SORBS2: variants seen among roughly 807,000 people sequenced by gnomAD.
SORBS2 encodes sorbin and SH3 domain-containing protein 2.
SORBS2 carries 46 observed loss-of-function variants against 97.7 expected under a neutral mutation model. The observed-to-expected ratio is 0.47, with a 90% CI of 0.37 to 0.60. The LOEUF (loss-of-function observed/expected upper bound fraction) is 0.60. Ranked by LOEUF, SORBS2 falls within the 20% of genes least tolerant of loss-of-function variation. The pLI is 0.00. For missense variants in SORBS2, 1,316 were observed against 1,282.3 expected, an observed-to-expected ratio of 1.03 and a Z score of -0.40; for synonymous variants, 476 against 473.4, an observed-to-expected ratio of 1.01 and a Z score of -0.07.
exon 6 of SORBS2, chr4:185,626,988 G>C (rs368735752): frequency 1.9e-6 from 3 of 1,614,092 alleles, no homozygotes; most frequent in Non-Finnish European, 2.5e-6. Flanking sequence ...CTCTTCCTCC[G>C]CTTCCTGAAG....
intron 2 of SORBS2, among the ~76,000 whole-genome samples, chr4:185,720,346 A>G (rs1015355437): frequency 7.3e-6 from 1 of 137,452 alleles, no homozygotes; most frequent in Non-Finnish European, 1.6e-5. Context: ...TCCATTTTAT[A>G]TTTATGTATA....
intron 1 of SORBS2, among the ~76,000 whole-genome samples, chr4:185,876,101 A>G (rs1178484401): frequency 2.8e-5 from 4 of 144,674 alleles, no homozygotes; most frequent in Non-Finnish European, 6.2e-5. Flanking sequence ...TGCAAGCTTT[A>G]GGATTTAAAT....
rs1387799742 is a variant in SORBS2 at position 185,867,132 on chromosome 4, C to T, written c.-338+89064G>A. On this transcript the variant is annotated intron_variant, in intron 1 of 20. Coordinates refer to the SORBS2 transcript ENST00000284776. ...GTTCAAGCGATTCTCCTGCCTCAGC[C>T]TCCTGAGTAGCTGGGATTATAGGCA... is the stretch of plus-strand genomic sequence containing the variant. Among the ~76,000 whole-genome samples, 15 of 152,078 alleles carry T rather than the reference C, an allele frequency of 9.9e-5. 1 individual carries two copies. Among genetic ancestry groups the T allele is most frequent in the Admixed American group, 7.9e-4 (12 of 15,264 alleles).
intron 1 of SORBS2, among the ~76,000 whole-genome samples, chr4:185,803,398 T>G (rs2099139670): frequency 6.6e-6 from 1 of 152,206 alleles, no homozygotes; most frequent in Non-Finnish European, 1.5e-5. Flanking sequence ...TTCGAAATCA[T>G]TATGATGTAA....
chr4:185,735,712 G>A (rs1215980422), intron 2 of SORBS2, among the ~76,000 whole-genome samples: 1 of 152,074 alleles, frequency 6.6e-6, no homozygotes, highest in East Asian at 1.9e-4. Flanking sequence ...GTGTGTATGT[G>A]TGTGTGTGGG....
chr4:185,621,763 T>C (rs1299518958), intron 7 of SORBS2, among the ~76,000 whole-genome samples: 4 of 152,160 alleles, frequency 2.6e-5, no homozygotes, highest in East Asian at 3.8e-4. Context: ...TGTCTGAGAT[T>C]ATATTTTATA....
At chr4:185,818,872 A>G (rs1477634291) in intron 1 of SORBS2, among the ~76,000 whole-genome samples, 1 of 152,130 alleles carries the variant, frequency 6.6e-6, no homozygotes, top group Non-Finnish European at 1.5e-5. Context: ...TTAAAGTAGC[A>G]TGACAAATCA....
chr4:185,902,797 A>G (rs2099248442), intron 1 of SORBS2, among the ~76,000 whole-genome samples: 2 of 152,164 alleles, frequency 1.3e-5, no homozygotes, highest in East Asian at 1.9e-4. Context: ...TCGATTTTGT[A>G]TATTACCTCA....
intron 1 of SORBS2, among the ~76,000 whole-genome samples, chr4:185,810,267 A>G (rs770767211): frequency 7.9e-5 from 12 of 152,364 alleles, no homozygotes; most frequent in East Asian, 3.9e-4. Context: ...TTGGAAAACT[A>G]TTCTCCTACT....
At chr4:185,771,786 T>C (rs547610179) in intron 2 of SORBS2, 1 of 152,318 alleles carries the variant, frequency 6.6e-6, no homozygotes, top group African/African-American at 2.4e-5. Context: ...TTTATGAAAA[T>C]TCTTCACATG....
chr4:185,701,201 C>T (rs2098256975), intron 2 of SORBS2, among the ~76,000 whole-genome samples: 1 of 152,192 alleles, frequency 6.6e-6, no homozygotes, highest in Admixed American at 6.5e-5. Flanking sequence ...TTATCTTGGA[C>T]TTTTGCCACT....
At chr4:185,792,826 A>G (rs2099087125) in intron 1 of SORBS2, among the ~76,000 whole-genome samples, 1 of 152,198 alleles carries the variant, frequency 6.6e-6, no homozygotes, top group Non-Finnish European at 1.5e-5. Flanking sequence ...GTTCCCACAA[A>G]TGGGCAGTCT....
intron 2 of SORBS2, among the ~76,000 whole-genome samples, chr4:185,769,671 A>G (rs780561238): frequency 6.6e-5 from 10 of 151,910 alleles, no homozygotes; most frequent in Non-Finnish European, 1.3e-4. Flanking sequence ...TGTATTTTTA[A>G]TAGAGATGGG....
rs56177449 is a variant in SORBS2 at position 185,663,848 on chromosome 4, C to CTTTTT, written c.-45-1611_-45-1607dup. On this transcript the variant is annotated intron_variant, in intron 4 of 20. Transcript: ENST00000284776. ...AGTAAACACTGAGAGTAGATTTATT[C>CTTTTT]TTTTTTTTTTTTTTTTTTTTTTTTG... Among the ~76,000 whole-genome samples the CTTTTT allele has an allele frequency of 3.5e-4, 28 of 80,980 alleles. 1 individual carries two copies. The highest frequency in any genetic ancestry group is 7.3e-4 in the East Asian group (2 of 2,726). The allele number at this position is 80,980 out of a possible 152,430, so 53.1% of individuals were successfully genotyped here.
At chr4:185,654,032 G>A (rs2097356136) in intron 1 of SORBS2, among the ~76,000 whole-genome samples, 1 of 152,138 alleles carries the variant, frequency 6.6e-6, no homozygotes, top group Non-Finnish European at 1.5e-5. Flanking sequence ...TGGACATTAA[G>A]GGTTTTGTGC....
chr4:185,937,754 G>A (rs2099269651), intron 1 of SORBS2, among the ~76,000 whole-genome samples: 1 of 152,206 alleles, frequency 6.6e-6, no homozygotes, highest in Non-Finnish European at 1.5e-5. Context: ...AACACAGAAT[G>A]ATGTGAAGAG....
At chr4:185,749,338 A>T (rs527491419) in intron 2 of SORBS2, among the ~76,000 whole-genome samples, 2 of 152,364 alleles carry the variant, frequency 1.3e-5, no homozygotes, top group African/African-American at 2.4e-5. Context: ...CTCTGGGAAC[A>T]GCAGAGCTGT....
At chr4:185,770,203 C>T (rs72703831) in intron 2 of SORBS2, among the ~76,000 whole-genome samples, 5 of 152,184 alleles carry the variant, frequency 3.3e-5, no homozygotes, top group African/African-American at 9.6e-5. Flanking sequence ...CTCAGCCTCC[C>T]GAGTAGGATG....
chr4:185,889,888 TTTTC>T (rs2099241600), intron 1 of SORBS2, among the ~76,000 whole-genome samples: 1 of 152,136 alleles, frequency 6.6e-6, no homozygotes, highest in Non-Finnish European at 1.5e-5. Flanking sequence ...GAATAATTTT[TTTTC>T]TTTTTTTTCT....
Sources: allele counts gnomAD v4.1 joint callset (sites outside exome capture counted in the v4.1 genomes callset), GRCh38; gene constraint gnomAD v4.1.1; transcripts MANE v1.5; gene names NCBI Gene and HGNC (gene_info 2026-07-23, HGNC 2026-07-21).